Variants in ATP13A3 observed in about 807,000 individuals in gnomAD.
ATP13A3 encodes polyamine-transporting ATPase 13A3.
ATP13A3 carries 59 observed loss-of-function variants against 158.1 expected under a neutral mutation model. The ratio of observed to expected loss-of-function variants is 0.37; its 90% CI spans 0.30 to 0.46. ATP13A3 has a LOEUF of 0.46. ATP13A3 is among the 20% of genes least tolerant of loss of function. ATP13A3 has a pLI of 1.00. For synonymous variants in ATP13A3, 491 were observed against 504.3 expected, an observed-to-expected ratio of 0.97 and a Z score of 0.35; for missense variants, 1,166 against 1,525.2, an observed-to-expected ratio of 0.76 and a Z score of 3.92.
At position 194,433,846 on chromosome 3, in the gene ATP13A3, T is replaced by G; in HGVS notation, c.2171A>C (p.Asn724Thr). The G allele has an allele frequency of 6.2e-7, 1 of 1,614,058 alleles. No individual in the cohort carries two copies. The highest frequency in any genetic ancestry group is 1.1e-5 in the South Asian group (1 of 91,072). Residue 724 changes from asparagine (N) to threonine (T), a missense_variant, in exon 21 of 34, where the codon AAC becomes ACC. Physicochemically the swap from Asn to Thr is moderately conservative, Grantham distance 65. Coordinates refer to ENST00000645319, the MANE Select transcript of ATP13A3 (RefSeq NM_001367549.1). ...TGCAGGGGTTTCTTGCTTTAATTTG[T>G]TCTGCATTATAATTAATCCCATAAA... ...MDFMGLIIMQ[N>T]KLKQETPAVL...
chr3:194,485,761 T>C (rs1720940889), intron 2 of ATP13A3, 33 bp downstream of exon 2: 2 of 152,216 alleles, frequency 1.3e-5, no homozygotes, highest in Non-Finnish European at 1.5e-5. Context: ...ACACTGATGA[T>C]TAAAAGCGGC....
intron 17 of ATP13A3, 117 bp downstream of exon 17, chr3:194,438,739 G>C: frequency 1.7e-6 from 1 of 582,988 alleles, no homozygotes; most frequent in East Asian, 3.8e-5. Flanking sequence ...AGGAGTTTGA[G>C]ACCAGCCTGG....
intron 17 of ATP13A3, among the ~76,000 whole-genome samples, chr3:194,437,876 C>T (rs1022396148): frequency 3.9e-5 from 6 of 152,108 alleles, no homozygotes; most frequent in Admixed American, 2.6e-4. Context: ...AAATAATAGG[C>T]TGGCTGGGCG....
At chr3:194,429,616 C>T (rs929747637) in intron 27 of ATP13A3, 62 bp downstream of exon 27, 54 of 1,308,414 alleles carry the variant, frequency 4.1e-5, no homozygotes, top group South Asian at 3.9e-4. Flanking sequence ...AACACATACG[C>T]TCAACATCTT....
intron 32 of ATP13A3, chr3:194,413,193 T>G (rs1308172207): frequency 6.5e-6 from 1 of 154,712 alleles, no homozygotes; most frequent in African/African-American, 2.4e-5. Context: ...AACTACACAA[T>G]ATACAGTGAA....
intron 2 of ATP13A3, among the ~76,000 whole-genome samples, chr3:194,481,278 A>G (rs114105506): frequency 0.01 from 1,533 of 152,094 alleles, 8 homozygotes; most frequent in Non-Finnish European, 0.016. Context: ...CCTTAGACAC[A>G]TATGTGGGAG....
chr3:194,459,523 G>T lies in ATP13A3; in HGVS notation c.427C>A (p.His143Asn). 6.2e-7 allele frequency: 1 copy of T among 1,604,154 alleles called. No homozygotes were observed. ...TCATTCCAGAAATATTTTACACTATGGTGGGTGAAATAACGAATCTGTGGA... is the reference window on the plus strand; with the variant it reads ...TCATTCCAGAAATATTTTACACTATTGTGGGTGAAATAACGAATCTGTGGA... The part of the protein sequence containing the change: ...ESQQIRYFTH[H>N]SVKYFWNDTI... The change falls in exon 6 of 34, where the codon CAT becomes AAT. Residue 143 changes from histidine to asparagine, a missense_variant. Around this residue, in one of 3 missense-constraint regions of ATP13A3, gnomAD observed 104 missense variants for 91.7 expected, o/e 1.13. Transcript: ENST00000645319.
chr3:194,448,342 T>TGCTGGGATTACAGGC lies in ATP13A3; in HGVS notation c.1150+100_1150+114dup. On this transcript the variant is annotated intron_variant, in intron 12 of 33. Coordinates refer to ENST00000645319, the MANE Select transcript of ATP13A3 (RefSeq NM_001367549.1). This position sits in a 1 kb window ranked among gnomAD's most constrained non-coding sequence, Gnocchi z 4.0. The stretch of plus-strand genomic sequence containing the variant: ...ATCCGCCCACCTCGGCTTCCCAAAG[T>TGCTGGGATTACAGGC]GCTGGGATTACAGGCGTTAGCCACA... 8.0e-7 allele frequency: 1 copy of TGCTGGGATTACAGGC among 1,246,602 alleles called. No homozygotes were observed. Among genetic ancestry groups the TGCTGGGATTACAGGC allele is most frequent in the Non-Finnish European group, 1.1e-6 (1 of 878,568 alleles). The allele number at this position is 1,246,602 out of a possible 1,614,324, so 77.2% of individuals were successfully genotyped here. A position where few individuals can be genotyped will look rare whatever the true frequency, so the allele number is the denominator to read the frequency against.
chr3:194,426,851 G>A (rs561263245), intron 29 of ATP13A3, among the ~76,000 whole-genome samples: 17 of 152,038 alleles, frequency 1.1e-4, no homozygotes, highest in Admixed American at 5.9e-4. Flanking sequence ...TAGTAGAGAC[G>A]GGGATTCACC....
chr3:194,453,427 TAAAA>T (rs35823728), intron 10 of ATP13A3, among the ~76,000 whole-genome samples: 1 of 145,310 alleles, frequency 6.9e-6, no homozygotes, highest in Non-Finnish European at 1.5e-5. Flanking sequence ...ACCCTGTCTC[TAAAA>T]AAAAAAAAAA....
At position 194,406,027 on chromosome 3, in the gene ATP13A3, C is replaced by A. The variant is rs201932728; in HGVS notation, c.3663G>T (p.Ala1221=). 6.2e-7 allele frequency: 1 copy of A among 1,614,136 alleles called. No individual in the cohort carries two copies. Among genetic ancestry groups the A allele is most frequent in the Non-Finnish European group, 8.5e-7 (1 of 1,180,028 alleles). The change falls in exon 34 of 34, where the codon GCG becomes GCT. Residue 1221 remains alanine, a synonymous_variant. Coordinates refer to ENST00000645319, the MANE Select transcript of ATP13A3 (RefSeq NM_001367549.1). ...KTPKAKYMYL[A]QELLVDPEWP... is the part of the protein sequence containing the mutation. ...ATTCTGGATCAACCAAGAGCTCCTGCGCCAGATACATGTACTTTGCCTTTG... is the reference window on the plus strand; with the variant it reads ...ATTCTGGATCAACCAAGAGCTCCTGAGCCAGATACATGTACTTTGCCTTTG...
intron 2 of ATP13A3, among the ~76,000 whole-genome samples, chr3:194,483,441 C>T (rs5016295): frequency 0.12 from 11,920 of 102,044 alleles, 1,600 homozygotes; most frequent in African/African-American, 0.44. Context: ...AAAAAAAAAA[C>T]TAGCTGGGTG....
intron 2 of ATP13A3, among the ~76,000 whole-genome samples, chr3:194,482,622 G>A (rs1354256865): frequency 1.3e-5 from 2 of 152,056 alleles, no homozygotes; most frequent in Non-Finnish European, 2.9e-5. Context: ...AAACTCAAAC[G>A]AGAACCTAAC....
At position 194,433,632 on chromosome 3, in the gene ATP13A3, T is replaced by C. The variant is rs1717409078; in HGVS notation, c.2245+140A>G. ...CAAAGTTATCTTGCGCTTGGGAAAA[T>C]ATTCAGAGCTAAAAGAGAACTTAGG... On this transcript the variant is annotated intron_variant, in intron 21 of 33. Coordinates refer to ENST00000645319, the MANE Select transcript of ATP13A3 (RefSeq NM_001367549.1). 22 of 1,045,536 alleles carry C rather than the reference T, an allele frequency of 2.1e-5. No homozygotes were observed. The South Asian group carries it at 4.1e-4, about 20-fold the overall frequency. 64.8% of individuals were successfully genotyped at this position (1,045,536 alleles called of 1,614,324 possible).
intron 33 of ATP13A3, among the ~76,000 whole-genome samples, chr3:194,407,756 A>G (rs58296755): frequency 0.029 from 4,482 of 152,286 alleles, 153 homozygotes; most frequent in African/African-American, 0.08. Flanking sequence ...TGTCATAACT[A>G]AAGAGAGTTA....
intron 20 of ATP13A3, among the ~76,000 whole-genome samples, chr3:194,435,825 T>A (rs1717591291): frequency 6.6e-6 from 1 of 152,136 alleles, no homozygotes; most frequent in South Asian, 2.1e-4. Flanking sequence ...GAGAATCGCT[T>A]GAACCCGGGA....
chr3:194,412,570 G>A (rs945966144), intron 32 of ATP13A3: 48 of 362,012 alleles, frequency 1.3e-4, no homozygotes, highest in African/African-American at 9.7e-4. Context: ...TGATGCTTAT[G>A]TAATTTGAAG....
intron 31 of ATP13A3, among the ~76,000 whole-genome samples, chr3:194,417,950 C>T (rs548554993): frequency 3.4e-4 from 29 of 84,280 alleles, no homozygotes; most frequent in Non-Finnish European, 4.2e-4. Flanking sequence ...GACAGACAGA[C>T]GGACGGACGG....
chr3:194,438,009 A>G (rs916971062), intron 17 of ATP13A3, among the ~76,000 whole-genome samples: 2 of 152,080 alleles, frequency 1.3e-5, no homozygotes, highest in Admixed American at 1.3e-4. Flanking sequence ...AAAATACAAA[A>G]ATTAGCCGGG....
Sources: allele counts gnomAD v4.1 joint callset (sites outside exome capture counted in the v4.1 genomes callset), GRCh38; gene constraint gnomAD v4.1.1; regional missense constraint gnomAD v4.1.1; non-coding constraint Gnocchi (gnomAD v3.1); transcripts MANE v1.5; gene names NCBI Gene and HGNC (gene_info 2026-07-23, HGNC 2026-07-21).